Variants in TP53BP1 observed in about 807,000 individuals in gnomAD.
The protein encoded by TP53BP1 is TP53-binding protein 1.
In TP53BP1, 61 loss-of-function variants were observed where a neutral mutation model predicts 200.8. That is an observed-to-expected ratio of 0.30 (90% CI 0.25 to 0.38). The LOEUF (loss-of-function observed/expected upper bound fraction) is 0.38, where lower values mean the gene tolerates loss of function less well. Ranked by LOEUF, TP53BP1 falls within the 10% of genes least tolerant of loss-of-function variation. The probability of loss-of-function intolerance (pLI) is 1.00; values close to 1 mark genes in which losing one functional copy is unlikely to be tolerated. For synonymous variants in TP53BP1, 822 were observed against 844.3 expected, an observed-to-expected ratio of 0.97 and a Z score of 0.46; for missense variants, 2,144 against 2,371.9, an observed-to-expected ratio of 0.90 and a Z score of 2.00.
intron 8 of TP53BP1, among the ~76,000 whole-genome samples, 172 bp from the exon 9 acceptor site, chr15:43,475,866 A>G (rs186877089): frequency 3.0e-3 from 453 of 152,362 alleles, no homozygotes; most frequent in Non-Finnish European, 5.1e-3. Context: ...ACAATAGCAC[A>G]AATCTTGAGT....
intron 4 of TP53BP1, among the ~76,000 whole-genome samples, chr15:43,488,648 C>T (rs1231345340): frequency 1.3e-5 from 2 of 152,184 alleles, no homozygotes; most frequent in Non-Finnish European, 2.9e-5. Flanking sequence ...AATCCCAGCA[C>T]TTTGGGAGAC....
Position 43,480,984 on chromosome 15 carries a change from T to A in TP53BP1, c.410A>T (p.Glu137Val), listed in dbSNP as rs1169754995. Residue 137 changes from glutamate (E) to valine (V), a missense_variant, in exon 5 of 28, where the codon GAG becomes GTG. Around this residue, in one of 4 missense-constraint regions of TP53BP1, gnomAD observed 1,700 missense variants for 1,710.3 expected, o/e 0.99. Coordinates refer to ENST00000382044, the MANE Select transcript of TP53BP1 (RefSeq NM_001141980.3). ...GMSVESAPAV[E>V]EEKGEELEQK... is the part of the protein sequence containing the mutation. ...TTCCAACTCTTCTCCCTTCTCTTCC[T>A]CCACAGCAGGAGCAGATTCCACTGA... 1 of 1,614,042 alleles carries A rather than the reference T, an allele frequency of 6.2e-7. No individual in the cohort carries two copies.
chr15:43,466,910 A>G (rs1301491656), intron 11 of TP53BP1, among the ~76,000 whole-genome samples: 1 of 152,214 alleles, frequency 6.6e-6, no homozygotes, highest in East Asian at 1.9e-4. Flanking sequence ...TAAATACCAA[A>G]AGAAAAAGCA....
chr15:43,450,867 T>C (rs747929089), intron 12 of TP53BP1, among the ~76,000 whole-genome samples: 37 of 152,164 alleles, frequency 2.4e-4, no homozygotes, highest in Non-Finnish European at 5.0e-4. Flanking sequence ...AAATTAAGCA[T>C]GCATTATTTA....
intron 1 of TP53BP1, among the ~76,000 whole-genome samples, chr15:43,509,890 C>G (rs1426876701): frequency 1.3e-5 from 2 of 152,082 alleles, no homozygotes; most frequent in East Asian, 3.8e-4. Context: ...AAAACAAGTG[C>G]TGCTGGAGCC....
chr15:43,447,071 C>G, intron 13 of TP53BP1: 1 of 462,654 alleles, frequency 2.2e-6, no homozygotes, highest in Non-Finnish European at 4.1e-6. Flanking sequence ...CCTTATAAAA[C>G]ATCTCTACAT....
rs2078934350 is a variant in TP53BP1, at chr15:43,479,641, A to G, written c.659-115T>C. 4.0e-6 allele frequency: 5 copies of G among 1,244,162 alleles called. No homozygotes were observed. The East Asian group carries it at 7.1e-5, about 18-fold the overall frequency. The allele number at this position is 1,244,162 out of a possible 1,614,324, so 77.1% of individuals were successfully genotyped here. On this transcript the variant is annotated intron_variant, in intron 6 of 27. Transcript: ENST00000382044. ...TTAACAGAAGTCCAATTTAAAATAT[A>G]TACAGGCATCAGTCTATAAAGGAAA...
rs2046812961 is a variant in TP53BP1 at position 43,474,674 on chromosome 15, T to C, written c.1179A>G (p.Gln393=). ...PSSPTEQEGR[Q]DKPMDTSVLS... ...AACAGACAGATCAAGAGAGCTCACC[T>C]TGTCTCCCTTCTTGCTCTGTGGGAC... Residue 393 remains glutamine (Q), a splice_region_variant and synonymous_variant, in exon 10 of 28, where the codon CAA becomes CAG. Coordinates refer to ENST00000382044, the MANE Select transcript of TP53BP1 (RefSeq NM_001141980.3). 1.9e-6 allele frequency: 3 copies of C among 1,605,376 alleles called. No homozygotes were observed. Among genetic ancestry groups the C allele is most frequent in the East Asian group, 2.2e-5 (1 of 44,828 alleles).
Position 43,470,042 on chromosome 15 carries a change from A to AAC in TP53BP1, c.1203_1204dup (p.Leu402CysfsTer22). The stretch of plus-strand genomic sequence containing the variant: ...AAAAGGCTCTCCTCCTTCTTCAGAT[A>AAC]ACACTGACGTGTCCATTGGCTTATC... On this transcript the variant is annotated frameshift_variant, in exon 11 of 28. Transcript: ENST00000382044. LOFTEE classifies it high-confidence loss of function. 1 of 1,613,176 alleles carries AAC rather than the reference A, an allele frequency of 6.2e-7. No homozygotes were observed. The highest frequency in any genetic ancestry group is 8.5e-7 in the Non-Finnish European group (1 of 1,180,022).
Position 43,413,101 on chromosome 15 carries a change from G to A in TP53BP1, c.5305+18C>T, listed in dbSNP as rs764443583. On this transcript the variant is annotated intron_variant, in intron 24 of 27. Transcript: ENST00000382044. ...AGTGCCTATGTGTCAGAGCTCCCAGGGCTTCCTAAGGCCTTACCCTCCTCT... is the reference window on the plus strand; with the variant it reads ...AGTGCCTATGTGTCAGAGCTCCCAGAGCTTCCTAAGGCCTTACCCTCCTCT... 6.2e-7 allele frequency: 1 copy of A among 1,613,138 alleles called. No individual in the cohort carries two copies. The highest frequency in any genetic ancestry group is 2.2e-5 in the East Asian group (1 of 44,876).
rs746801304 is a variant in TP53BP1 at position 43,403,753 on chromosome 15, GCC to G, written c.*3628_*3629del. Reference sequence around the variant, plus strand: ...TGTTCGCTGGTCAGTCAGAACCTAGGCCCACTGGATGAGCGTGGAGCCGCCCA... The same window carrying G: ...TGTTCGCTGGTCAGTCAGAACCTAGGCACTGGATGAGCGTGGAGCCGCCCA... On this transcript the variant is annotated 3_prime_UTR_variant, in exon 28 of 28. Coordinates refer to ENST00000382044, the MANE Select transcript of TP53BP1 (RefSeq NM_001141980.3). 6.2e-7 allele frequency: 1 copy of G among 1,613,850 alleles called. No individual in the cohort carries two copies. The highest frequency in any genetic ancestry group is 2.2e-5 in the East Asian group (1 of 44,876).
At chr15:43,494,174 C>T (rs185143722), upstream of TP53BP1, among the ~76,000 whole-genome samples, 87 of 152,266 alleles carry the variant, frequency 5.7e-4, no homozygotes, top group African/African-American at 1.6e-3. Context: ...AGGGAAAGCA[C>T]CTAGCACAGT....
rs549157269 is a variant in TP53BP1 at position 43,487,515 on chromosome 15, G to A, written c.371+4154C>T. Among the ~76,000 whole-genome samples, 10 of 152,164 alleles carry A rather than the reference G, an allele frequency of 6.6e-5. 1 individual carries two copies. The South Asian group carries it at 1.2e-3, about 19-fold the overall frequency. The stretch of plus-strand genomic sequence containing the variant: ...CACAGAAAAACCTGTACATATGGCC[G>A]GGCACAGTGACTCACACCTATAATC... On this transcript the variant is annotated intron_variant, in intron 4 of 27. Coordinates refer to ENST00000382044, the MANE Select transcript of TP53BP1 (RefSeq NM_001141980.3).
chr15:43,456,765 T>C lies in TP53BP1; in HGVS notation c.1843A>G (p.Thr615Ala), dbSNP rs539172659. The C allele has an allele frequency of 8.7e-6, 14 of 1,614,076 alleles. No individual in the cohort carries two copies. The African/African-American group carries it at 1.6e-4, about 18-fold the overall frequency. ...TCAATACAAACATCTTCTGCTACCG[T>C]TTCTTCTCTGCCCTTGCAACCAGTG... ...LATGCKGREETVAEDVCIDLT... is the reference protein window; with the variant it reads ...LATGCKGREEAVAEDVCIDLT... Residue 615 changes from threonine to alanine, a missense_variant, in exon 12 of 28, where the codon ACG (threonine) becomes GCG (alanine). Physicochemically the swap from Thr to Ala is moderately conservative, Grantham distance 58. Transcript: ENST00000382044.
chr15:43,410,878 C>T (rs2045097152), intron 24 of TP53BP1, among the ~76,000 whole-genome samples: 1 of 152,192 alleles, frequency 6.6e-6, no homozygotes, highest in Non-Finnish European at 1.5e-5. Flanking sequence ...CTGCTCTTTT[C>T]TTGATTCAGC....
chr15:43,441,483 G>A lies in TP53BP1; in HGVS notation c.3098+43C>T, dbSNP rs750589975. 7 of 1,318,924 alleles carry A rather than the reference G, an allele frequency of 5.3e-6. No individual in the cohort carries two copies. The South Asian group carries it at 5.9e-5, about 11-fold the overall frequency. 81.7% of individuals were successfully genotyped at this position (1,318,924 alleles called of 1,614,324 possible). On this transcript the variant is annotated intron_variant, in intron 15 of 27. Transcript: ENST00000382044. ...GATAAACCATCTACCCTCATCACCA[G>A]TAGCTGTGTATTAAACTCTAAATAG... is the stretch of plus-strand genomic sequence containing the variant.
Position 43,456,494 on chromosome 15 carries a change from C to G in TP53BP1, c.2114G>C (p.Gly705Ala), listed in dbSNP as rs367570697. 9 of 1,587,090 alleles carry G rather than the reference C, an allele frequency of 5.7e-6. No homozygotes were observed. The Admixed American group carries it at 1.1e-4, about 19-fold the overall frequency. The change falls in exon 12 of 28, where the codon GGG becomes GCG. Residue 705 changes from glycine (G) to alanine (A), a missense_variant. By Grantham distance (60) the Gly-to-Ala change is moderately conservative. Coordinates refer to ENST00000382044, the MANE Select transcript of TP53BP1 (RefSeq NM_001141980.3). ...HLSLTETQSQGLCLQKEMPKK... is the reference protein window; with the variant it reads ...HLSLTETQSQALCLQKEMPKK... ...TGGCATTTCCTTTTGAAGACACAACCCTTGGGACTGAGTTTCAGTCAGAGA... is the reference window on the plus strand; with the variant it reads ...TGGCATTTCCTTTTGAAGACACAACGCTTGGGACTGAGTTTCAGTCAGAGA...
At chr15:43,413,668 G>T (rs1052528758) in intron 23 of TP53BP1, among the ~76,000 whole-genome samples, 5 of 152,078 alleles carry the variant, frequency 3.3e-5, no homozygotes, top group Non-Finnish European at 7.4e-5. Context: ...GAAAGAGGTG[G>T]TTCTAATACA....
intron 21 of TP53BP1, among the ~76,000 whole-genome samples, chr15:43,418,050 T>C (rs1229220491): frequency 6.6e-6 from 1 of 151,876 alleles, no homozygotes; most frequent in Non-Finnish European, 1.5e-5. Flanking sequence ...TGTTGTGGCA[T>C]GCACCTGTAA....
Sources: allele counts gnomAD v4.1 joint callset (sites outside exome capture counted in the v4.1 genomes callset), GRCh38; gene constraint gnomAD v4.1.1; regional missense constraint gnomAD v4.1.1; transcripts MANE v1.5; gene names NCBI Gene and HGNC (gene_info 2026-07-23, HGNC 2026-07-21).